Variants in SLC2A8 observed in about 807,000 individuals in gnomAD.
SLC2A8 encodes solute carrier family 2, facilitated glucose transporter member 8.
Under a neutral mutation model 49.2 loss-of-function variants are expected in SLC2A8, and 53 were observed. The ratio of observed to expected loss-of-function variants is 1.08; its 90% CI spans 0.86 to 1.35. The LOEUF is 1.35. SLC2A8 is among the 40% of genes most tolerant of loss of function. The pLI, the probability that SLC2A8 is intolerant of heterozygous loss-of-function variation, is 0.00. For synonymous variants in SLC2A8, 299 were observed against 297.0 expected, an observed-to-expected ratio of 1.01 and a Z score of -0.07; for missense variants, 688 against 671.7, an observed-to-expected ratio of 1.02 and a Z score of -0.27.
At position 127,407,328 on chromosome 9, in the gene SLC2A8, A is replaced by G; in HGVS notation, c.*79A>G. 2 of 1,558,954 alleles carry G rather than the reference A, an allele frequency of 1.3e-6. No individual in the cohort carries two copies. The highest frequency in any genetic ancestry group is 1.8e-6 in the Non-Finnish European group (2 of 1,133,426). ...CCAGAGCCCCTGCCTGCCCCAGGGG[A>G]GCCAGAATCCAGCCCCTTGGAGCCT... On this transcript the variant is annotated 3_prime_UTR_variant, in exon 10 of 10. Coordinates refer to ENST00000373371, the MANE Select transcript of SLC2A8 (RefSeq NM_014580.5).
intron 3 of SLC2A8, among the ~76,000 whole-genome samples, chr9:127,398,955 C>A (rs773150262): frequency 6.6e-6 from 1 of 152,232 alleles, no homozygotes; most frequent in Non-Finnish European, 1.5e-5. Flanking sequence ...GTTTGCTAAC[C>A]GGCAGCAGCA....
rs1833322793 is a variant in SLC2A8 at position 127,402,452 on chromosome 9, A to G, written c.527-105A>G. The G allele has an allele frequency of 4.2e-6, 6 of 1,423,788 alleles. No individual in the cohort carries two copies. The Admixed American group carries it at 1.5e-4, about 35-fold the overall frequency. 88.2% of individuals were successfully genotyped at this position (1,423,788 alleles called of 1,614,324 possible). A position where few individuals can be genotyped will look rare whatever the true frequency, so the allele number is the denominator to read the frequency against. On this transcript the variant is annotated intron_variant, in intron 4 of 9. Coordinates refer to ENST00000373371, the MANE Select transcript of SLC2A8 (RefSeq NM_014580.5). ...GTAGCGAACATGAGGGCAGATGTGC[A>G]GAGGCAGCGAGGCCCCATCTCTGAA...
intron 1 of SLC2A8, 36 bp downstream of exon 1, chr9:127,397,322 C>A: frequency 7.2e-7 from 1 of 1,380,298 alleles, no homozygotes; most frequent in Non-Finnish European, 9.3e-7. Flanking sequence ...GATGCGGCCT[C>A]GCCCTCCCGC....
At chr9:127,404,484 C>A (rs368107138) in intron 7 of SLC2A8, 2 of 365,094 alleles carry the variant, frequency 5.5e-6, no homozygotes, top group Non-Finnish European at 5.0e-6. Context: ...CCACGTGAGG[C>A]CTTCAGCAAG....
Position 127,403,713 on chromosome 9 carries a change from C to T in SLC2A8, c.777C>T (p.Ile259=), listed in dbSNP as rs149148801. 56 of 1,613,144 alleles carry T rather than the reference C, an allele frequency of 3.5e-5. No homozygotes were observed. In the East Asian group the frequency reaches 8.0e-4, roughly 23 times the overall value. The change falls in exon 6 of 10, where the codon ATC becomes ATT. Residue 259 remains isoleucine, a synonymous_variant. Coordinates refer to ENST00000373371, the MANE Select transcript of SLC2A8 (RefSeq NM_014580.5). Reference sequence around the variant, plus strand: ...CCGGCATCTACAAGCCCTTCATCATCGGCGTCTCCCTGATGGCCTTCCAGC... The same window carrying T: ...CCGGCATCTACAAGCCCTTCATCATTGGCGTCTCCCTGATGGCCTTCCAGC... ...RQPGIYKPFI[I]GVSLMAFQQL...
chr9:127,402,642 G>T lies in SLC2A8; in HGVS notation c.612G>T (p.Glu204Asp). 1 of 1,594,962 alleles carries T rather than the reference G, an allele frequency of 6.3e-7. No individual in the cohort carries two copies. Among genetic ancestry groups the T allele is most frequent in the Non-Finnish European group, 8.5e-7 (1 of 1,172,870 alleles). The change falls in exon 5 of 10, where the codon GAG becomes GAT. Residue 204 changes from glutamate (E) to aspartate (D), a missense_variant. Glu to Asp is a conservative substitution (Grantham distance 45). Transcript: ENST00000373371. ...TGCTTCTCATGTGCTTCATGCCCGA[G>T]ACCCCGCGCTTCCTGCTGACTCAGC... ...LMLLLMCFMP[E>D]TPRFLLTQHR...
chr9:127,402,826 G>C, intron 5 of SLC2A8, 73 bp downstream of exon 5: 4 of 1,443,272 alleles, frequency 2.8e-6, no homozygotes, highest in Non-Finnish European at 3.6e-6. Context: ...CTGTTCCCAA[G>C]GCCACACACT....
At position 127,403,976 on chromosome 9, in the gene SLC2A8, G is replaced by A. The variant is rs370493680; in HGVS notation, c.885G>A (p.Ser295=). Residue 295 remains serine, a synonymous_variant, in exon 7 of 10, where the codon TCG becomes TCA. Coordinates refer to ENST00000373371, the MANE Select transcript of SLC2A8 (RefSeq NM_014580.5). The part of the protein sequence containing the change: ...EAKFKDSSLA[S]VVVGVIQVLF... ...TCCCCCAGGACAGCAGCCTGGCCTCGGTCGTCGTGGGTGTCATCCAGGTGC... is the reference window on the plus strand; with the variant it reads ...TCCCCCAGGACAGCAGCCTGGCCTCAGTCGTCGTGGGTGTCATCCAGGTGC... The A allele has an allele frequency of 1.3e-5, 21 of 1,610,694 alleles. No homozygotes were observed. The highest frequency in any genetic ancestry group is 1.6e-4 in the Middle Eastern group (1 of 6,076).
chr9:127,403,489 C>T (rs1292200714), intron 5 of SLC2A8, 171 bp from the exon 6 acceptor site: 3 of 718,184 alleles, frequency 4.2e-6, no homozygotes, highest in Non-Finnish European at 7.0e-6. Flanking sequence ...TCACCTGACA[C>T]ATGGGGAGGC....
chr9:127,397,354 A>G, intron 1 of SLC2A8, 22 bp from the exon 2 acceptor site: 1 of 1,413,442 alleles, frequency 7.1e-7, no homozygotes, highest in Non-Finnish European at 9.1e-7. Flanking sequence ...CGCTCCGCTC[A>G]CCCTCGGCCC....
At chr9:127,405,361 AGC>A in intron 8 of SLC2A8, 57 bp from the exon 9 acceptor site, 1 of 1,577,242 alleles carries the variant, frequency 6.3e-7, no homozygotes, top group South Asian at 1.1e-5. Context: ...CTCTGCAGCA[AGC>A]TGAGGAGCCC....
chr9:127,401,668 C>T (rs1833297638), intron 4 of SLC2A8, among the ~76,000 whole-genome samples: 2 of 152,174 alleles, frequency 1.3e-5, no homozygotes, highest in African/African-American at 2.4e-5. Flanking sequence ...CTGTGAGTTT[C>T]GATCCACTGG....
intron 9 of SLC2A8, chr9:127,406,137 A>G (rs1833484948): frequency 2.0e-6 from 1 of 504,108 alleles, no homozygotes; most frequent in African/African-American, 1.9e-5. Flanking sequence ...TTGTTTGTTC[A>G]GTCATTTGTG....
intron 7 of SLC2A8, 63 bp downstream of exon 7, chr9:127,404,130 A>G (rs1833403989): frequency 1.8e-6 from 2 of 1,131,994 alleles, no homozygotes; most frequent in Non-Finnish European, 1.3e-6. Flanking sequence ...CAAGGCCACC[A>G]CACTGCAGGA....
chr9:127,403,841 C>A (rs756105245), intron 6 of SLC2A8, 38 bp downstream of exon 6: 4 of 1,606,158 alleles, frequency 2.5e-6, no homozygotes, highest in Admixed American at 3.4e-5. Context: ...GTCCAGCCCC[C>A]ACATAGATGG....
Position 127,404,058 on chromosome 9 carries a change from G to A in SLC2A8, c.967G>A (p.Val323Ile), listed in dbSNP as rs1429103683. 6.3e-7 allele frequency: 1 copy of A among 1,594,662 alleles called. No individual in the cohort carries two copies. Reference protein sequence around the residue: ...MDRAGRRLLLVLSGVVMVFST... With the variant: ...MDRAGRRLLLILSGVVMVFST... ...CAGAGCAGGGCGGAGGCTGCTCCTG[G>A]TCTTGTCAGGTGAGGGTTCACCCCT... Residue 323 changes from valine to isoleucine, a missense_variant, in exon 7 of 10, where the codon GTC (valine) becomes ATC (isoleucine). Transcript: ENST00000373371.
chr9:127,401,746 T>C (rs1486679605), intron 4 of SLC2A8, among the ~76,000 whole-genome samples: 3 of 152,172 alleles, frequency 2.0e-5, no homozygotes, highest in Non-Finnish European at 2.9e-5. Flanking sequence ...ATTGGGGCAA[T>C]CATGTTCCAA....
In SLC2A8 at chr9:127,404,870, C is replaced by T; in HGVS notation, c.1029C>T (p.Thr343=). Residue 343 remains threonine, a synonymous_variant, in exon 8 of 10, where the codon ACC becomes ACT. Transcript: ENST00000373371. ...CCTTCGGCGCCTACTTCAAGCTGACCCAGGGTGGCCCTGGCAACTCCTCGC... is the reference window on the plus strand; with the variant it reads ...CCTTCGGCGCCTACTTCAAGCTGACTCAGGGTGGCCCTGGCAACTCCTCGC... ...TSAFGAYFKL[T]QGGPGNSSHV... is the part of the protein sequence containing the mutation. 6.2e-7 allele frequency: 1 copy of T among 1,612,766 alleles called. No individual in the cohort carries two copies. Among genetic ancestry groups the T allele is most frequent in the South Asian group, 1.1e-5 (1 of 91,080 alleles).
At chr9:127,401,775 C>T (rs1053976525) in intron 4 of SLC2A8, among the ~76,000 whole-genome samples, 48 of 152,246 alleles carry the variant, frequency 3.2e-4, no homozygotes, top group Middle Eastern at 6.8e-3. Flanking sequence ...CTTCATAGAA[C>T]AATTGTCTGC....
Sources: allele counts gnomAD v4.1 joint callset (sites outside exome capture counted in the v4.1 genomes callset), GRCh38; gene constraint gnomAD v4.1.1; transcripts MANE v1.5; gene names NCBI Gene and HGNC (gene_info 2026-07-23, HGNC 2026-07-21).